GTF2F2: variants seen among roughly 807,000 people sequenced by gnomAD.
GTF2F2 encodes ATP-dependent helicase GTF2F2.
In GTF2F2, 23 loss-of-function variants were observed where a neutral mutation model predicts 42.2. The observed-to-expected ratio is 0.55, with a 90% CI of 0.39 to 0.77. The LOEUF (loss-of-function observed/expected upper bound fraction) is 0.77, where lower values mean the gene tolerates loss of function less well. Among genes scored for constraint, GTF2F2 ranks in the 30% least tolerant of loss-of-function variants. GTF2F2 has a pLI of 0.00. For missense variants in GTF2F2, 261 were observed against 287.2 expected, an observed-to-expected ratio of 0.91 and a Z score of 0.66; for synonymous variants, 105 against 100.8, an observed-to-expected ratio of 1.04 and a Z score of -0.25.
chr13:45,237,107 G>C (rs2138227529), intron 5 of GTF2F2, among the ~76,000 whole-genome samples: 1 of 152,238 alleles, frequency 6.6e-6, no homozygotes, highest in South Asian at 2.1e-4. Context: ...TATACCTAAA[G>C]ATCAGTGAAT....
chr13:45,250,648 TGCAGCCAGAG>T (rs1426351625), intron 5 of GTF2F2, among the ~76,000 whole-genome samples: 4 of 152,260 alleles, frequency 2.6e-5, no homozygotes, highest in South Asian at 4.2e-4. Context: ...GTGGCACAGC[TGCAGCCAGAG>T]GCAGATACAG....
intron 6 of GTF2F2, among the ~76,000 whole-genome samples, chr13:45,256,045 G>A (rs1302492585): frequency 4.6e-5 from 7 of 152,064 alleles, no homozygotes; most frequent in Non-Finnish European, 1.0e-4. Flanking sequence ...GGAAAAGATT[G>A]GAAACAAGTG....
intron 1 of GTF2F2, among the ~76,000 whole-genome samples, chr13:45,135,426 A>C (rs186688241): frequency 4.5e-4 from 68 of 150,844 alleles, no homozygotes; most frequent in Admixed American, 8.6e-4. Flanking sequence ...TGCCCGGCTA[A>C]TTTTTGTATT....
intron 7 of GTF2F2, among the ~76,000 whole-genome samples, chr13:45,269,781 A>G (rs1481992161): frequency 2.0e-5 from 3 of 152,218 alleles, no homozygotes; most frequent in Non-Finnish European, 4.4e-5. Flanking sequence ...ATGTAATAAT[A>G]TAAAATTTAC....
At chr13:45,276,308 A>T (rs1340032488) in intron 7 of GTF2F2, among the ~76,000 whole-genome samples, 1 of 152,168 alleles carries the variant, frequency 6.6e-6, no homozygotes, top group Non-Finnish European at 1.5e-5. Context: ...CTACGTTGGG[A>T]CTATTATGAA....
chr13:45,261,190 G>C (rs1223115358), intron 6 of GTF2F2, among the ~76,000 whole-genome samples: 1 of 152,172 alleles, frequency 6.6e-6, no homozygotes, highest in Non-Finnish European at 1.5e-5. Context: ...ACTTTGGGAA[G>C]CCGCAGTGGG....
intron 7 of GTF2F2, among the ~76,000 whole-genome samples, chr13:45,271,853 C>G (rs1428311306): frequency 6.6e-6 from 1 of 152,084 alleles, no homozygotes; most frequent in African/African-American, 2.4e-5. Context: ...ATCATTAATC[C>G]TAAGCCAGGT....
At chr13:45,144,203 A>G (rs1870075197) in intron 2 of GTF2F2, among the ~76,000 whole-genome samples, 1 of 152,092 alleles carries the variant, frequency 6.6e-6, no homozygotes, top group Admixed American at 6.5e-5. Flanking sequence ...CAGTGAGCGG[A>G]GACCTCACCA....
At chr13:45,267,162 AAG>A (rs1876597977) in intron 6 of GTF2F2, 69 bp from the exon 7 acceptor site, 2 of 1,318,458 alleles carry the variant, frequency 1.5e-6, no homozygotes, top group East Asian at 2.4e-5. Context: ...AAAAAAAAAA[AAG>A]AGAATGCCTG....
At position 45,207,450 on chromosome 13, in the gene GTF2F2, G is replaced by A; in HGVS notation, c.331G>A (p.Val111Ile). 8 of 1,609,992 alleles carry A rather than the reference G, an allele frequency of 5.0e-6. No homozygotes were observed. Among genetic ancestry groups the A allele is most frequent in the Non-Finnish European group, 6.0e-6 (7 of 1,176,388 alleles). Residue 111 changes from valine to isoleucine, a missense_variant, in exon 5 of 8, where the codon GTA (valine) becomes ATA (isoleucine). Physicochemically the swap from Val to Ile is conservative, Grantham distance 29. Coordinates refer to ENST00000340473, the MANE Select transcript of GTF2F2 (RefSeq NM_004128.3). ...TAAGCTGTCATTGGAAGGAATAGTG[G>A]TACAAAGAGCTGAATGCCGACCAGC... ...SDKLSLEGIVVQRAECRPAAS... is the reference protein window; with the variant it reads ...SDKLSLEGIVIQRAECRPAAS...
chr13:45,171,181 G>C, intron 4 of GTF2F2, among the ~76,000 whole-genome samples: 1 of 146,518 alleles, frequency 6.8e-6, no homozygotes, highest in East Asian at 2.0e-4. Flanking sequence ...AGGTTCAAGC[G>C]ATTCTCCTGC....
chr13:45,226,600 ATTC>A (rs1278766339), intron 5 of GTF2F2, among the ~76,000 whole-genome samples: 2 of 151,982 alleles, frequency 1.3e-5, no homozygotes. Context: ...GTTTTTCTTA[ATTC>A]TTCTTACCTG....
At chr13:45,252,169 GTCTC>G (rs1227478924) in intron 5 of GTF2F2, among the ~76,000 whole-genome samples, 1 of 152,134 alleles carries the variant, frequency 6.6e-6, no homozygotes, top group African/African-American at 2.4e-5. Context: ...CTGAGACATG[GTCTC>G]TCTCTGTTGC....
intron 6 of GTF2F2, among the ~76,000 whole-genome samples, chr13:45,254,639 C>T (rs1032867247): frequency 1.3e-5 from 2 of 152,168 alleles, no homozygotes; most frequent in Non-Finnish European, 2.9e-5. Flanking sequence ...CTTAGGCAGT[C>T]TAGCTTAGGA....
At chr13:45,249,322 G>A (rs1340704539) in intron 5 of GTF2F2, among the ~76,000 whole-genome samples, 1 of 152,032 alleles carries the variant, frequency 6.6e-6, no homozygotes, top group East Asian at 1.9e-4. Flanking sequence ...TAAAACCCTT[G>A]TGGTTGCCTT....
rs139627054 is a variant in GTF2F2, at chr13:45,219,105, T to C, written c.386+11600T>C. Among the ~76,000 whole-genome samples, 129 of 152,152 alleles carry C rather than the reference T, an allele frequency of 8.5e-4. 1 individual carries two copies. The highest frequency in any genetic ancestry group is 2.8e-3 in the African/African-American group (118 of 41,492). On this transcript the variant is annotated intron_variant, in intron 5 of 7. Coordinates refer to ENST00000340473, the MANE Select transcript of GTF2F2 (RefSeq NM_004128.3). ...AGAATGGTTCAGCCTGCATAGTGGGTCCCTCACTTTTATATGGCTTCATAT... is the reference window on the plus strand; with the variant it reads ...AGAATGGTTCAGCCTGCATAGTGGGCCCCTCACTTTTATATGGCTTCATAT...
rs1038118524 is a variant in GTF2F2, at chr13:45,161,062, T to C, written c.304+9231T>C. Among the ~76,000 whole-genome samples the C allele has an allele frequency of 2.0e-5, 3 of 152,310 alleles. No homozygotes were observed. The East Asian group carries it at 5.8e-4, about 29-fold the overall frequency. ...AGGGTTGAAATTTAATAAAAACAGT[T>C]TTTACTGTTCATCAAGGACATTGTG... On this transcript the variant is annotated intron_variant, in intron 4 of 7. Transcript: ENST00000340473.
intron 7 of GTF2F2, among the ~76,000 whole-genome samples, chr13:45,272,466 A>T (rs936120287): frequency 1.6e-5 from 2 of 125,544 alleles, no homozygotes; most frequent in Admixed American, 7.3e-5. Flanking sequence ...GGGTCTGAAC[A>T]GGTGAGTGGT....
intron 7 of GTF2F2, among the ~76,000 whole-genome samples, chr13:45,280,080 T>C (rs940610244): frequency 6.6e-6 from 1 of 152,158 alleles, no homozygotes; most frequent in Non-Finnish European, 1.5e-5. Context: ...CATTTGAGCC[T>C]AGTCTTAAAG....
Sources: allele counts gnomAD v4.1 joint callset (sites outside exome capture counted in the v4.1 genomes callset), GRCh38; gene constraint gnomAD v4.1.1; transcripts MANE v1.5; gene names NCBI Gene and HGNC (gene_info 2026-07-23, HGNC 2026-07-21).